The following CERS6 variants were observed in gnomAD, a reference collection of about 807,000 sequenced individuals.
CERS6 encodes LAG1 homolog, ceramide synthase 6.
CERS6 carries 26 observed loss-of-function variants against 56.8 expected under a neutral mutation model. The observed-to-expected ratio is 0.46, with a 90% CI of 0.34 to 0.63. CERS6 has a LOEUF of 0.63. Ranked by LOEUF, CERS6 falls within the 30% of genes least tolerant of loss-of-function variation. The probability of loss-of-function intolerance (pLI) is 0.01; values close to 1 mark genes in which losing one functional copy is unlikely to be tolerated. For synonymous variants in CERS6, 164 were observed against 173.3 expected (o/e 0.95, Z 0.42); for missense variants, 415 against 467.5 (o/e 0.89, Z 1.04).
At chr2:168,678,209 G>A (rs1191408395) in intron 4 of CERS6, among the ~76,000 whole-genome samples, 1 of 152,170 alleles carries the variant, frequency 6.6e-6, no homozygotes. Context: ...CTATTGTTAC[G>A]AAGAGTTTTG....
intron 3 of CERS6, among the ~76,000 whole-genome samples, chr2:168,594,876 T>C (rs1339044548): frequency 2.0e-5 from 3 of 152,336 alleles, no homozygotes; most frequent in East Asian, 3.9e-4. Flanking sequence ...ATGTTTGTTT[T>C]TCCCCCAGCT....
intron 3 of CERS6, among the ~76,000 whole-genome samples, chr2:168,602,197 TGTAAG>T (rs1683950565): frequency 6.6e-6 from 1 of 152,196 alleles, no homozygotes; most frequent in Admixed American, 6.5e-5. Flanking sequence ...TTTTAGAAGA[TGTAAG>T]GGAATTGATT....
At chr2:168,563,666 A>G (rs2390722) in intron 3 of CERS6, among the ~76,000 whole-genome samples, 3,531 of 152,196 alleles carry the variant, frequency 0.023, 139 homozygotes, top group East Asian at 0.18. Flanking sequence ...ATGTGGTGGC[A>G]GGCGCCTGCA....
intron 8 of CERS6, among the ~76,000 whole-genome samples, chr2:168,742,349 G>A (rs547437474): frequency 5.3e-4 from 80 of 152,276 alleles, no homozygotes; most frequent in South Asian, 1.0e-3. Context: ...AAAGTTATGC[G>A]TATGGGTATA....
chr2:168,631,111 T>A (rs1043969405), intron 4 of CERS6, 69 bp downstream of exon 4: 28 of 631,684 alleles, frequency 4.4e-5, no homozygotes, highest in South Asian at 7.5e-5. Context: ...TTTTTTTTTT[T>A]AATGTGTGAC....
intron 1 of CERS6, among the ~76,000 whole-genome samples, chr2:168,461,736 A>C (rs1693784009): frequency 6.6e-6 from 1 of 152,246 alleles, no homozygotes. Context: ...AGGTGAGATA[A>C]CTTTAAATTA....
chr2:168,677,179 C>A (rs909595221), intron 4 of CERS6, among the ~76,000 whole-genome samples: 1 of 152,058 alleles, frequency 6.6e-6, no homozygotes, highest in East Asian at 1.9e-4. Flanking sequence ...TCTCCCCCAC[C>A]CCCCAACAGG....
intron 6 of CERS6, among the ~76,000 whole-genome samples, chr2:168,708,340 A>C (rs188398649): frequency 9.4e-4 from 143 of 152,302 alleles, no homozygotes; most frequent in African/African-American, 3.4e-3. Context: ...AGGCAGAAAA[A>C]TCACAAGAGA....
At chr2:168,568,334 C>T (rs377200125) in intron 3 of CERS6, among the ~76,000 whole-genome samples, 10 of 152,292 alleles carry the variant, frequency 6.6e-5, no homozygotes, top group South Asian at 2.1e-4. Flanking sequence ...ATTAAGGCAT[C>T]ATATTATTAT....
chr2:168,704,530 G>A (rs781244544), intron 6 of CERS6, among the ~76,000 whole-genome samples: 15 of 152,136 alleles, frequency 9.9e-5, no homozygotes, highest in Admixed American at 2.6e-4. Flanking sequence ...AAACAAACCC[G>A]TTCATCTGTC....
intron 1 of CERS6, among the ~76,000 whole-genome samples, chr2:168,528,366 T>C (rs1174278486): frequency 5.3e-5 from 8 of 152,238 alleles, no homozygotes; most frequent in African/African-American, 1.9e-4. Flanking sequence ...GTCTGGGTTC[T>C]TCCCCAGTCC....
At chr2:168,650,147 A>G (rs1685308535) in intron 4 of CERS6, among the ~76,000 whole-genome samples, 1 of 152,230 alleles carries the variant, frequency 6.6e-6, no homozygotes, top group Admixed American at 6.5e-5. Flanking sequence ...CACTTGCTCC[A>G]GGTTTAATTC....
intron 3 of CERS6, among the ~76,000 whole-genome samples, chr2:168,615,939 C>G (rs1224732757): frequency 2.0e-5 from 3 of 152,066 alleles, no homozygotes; most frequent in African/African-American, 7.2e-5. Flanking sequence ...AAAGTTAAGA[C>G]GAGGGAAAGA....
intron 1 of CERS6, among the ~76,000 whole-genome samples, chr2:168,523,170 C>T (rs1695012509): frequency 6.6e-6 from 1 of 152,176 alleles, no homozygotes; most frequent in Non-Finnish European, 1.5e-5. Context: ...TGCCTCTCTG[C>T]TCTACCATTT....
At chr2:168,691,423 G>C (rs1234008956) in intron 5 of CERS6, among the ~76,000 whole-genome samples, 1 of 152,140 alleles carries the variant, frequency 6.6e-6, no homozygotes, top group Non-Finnish European at 1.5e-5. Flanking sequence ...TGTTGACATA[G>C]TGCAGACCTG....
At chr2:168,547,462 G>A (rs1398852253) in intron 1 of CERS6, 134 bp from the exon 2 acceptor site, 3 of 586,944 alleles carry the variant, frequency 5.1e-6, no homozygotes, top group Non-Finnish European at 6.1e-6. Context: ...TGACAGGAGT[G>A]TTGACAATGT....
rs1011491131 is a variant in CERS6 at position 168,558,560 on chromosome 2, G to T, written c.277-2632G>T. Among the ~76,000 whole-genome samples, 18 of 152,202 alleles carry T rather than the reference G, an allele frequency of 1.2e-4. No homozygotes were observed. In the East Asian group the frequency reaches 3.5e-3, roughly 29 times the overall value. ...TATATATTCAAGTTTGCTTATATTT[G>T]TGTAAATACTGGAAAGAAACTGATT... On this transcript the variant is annotated intron_variant, in intron 2 of 9. Transcript: ENST00000305747.
At chr2:168,710,042 C>G (rs868384006) in intron 6 of CERS6, among the ~76,000 whole-genome samples, 3 of 152,098 alleles carry the variant, frequency 2.0e-5, no homozygotes, top group African/African-American at 4.8e-5. Flanking sequence ...GAAAATTGGT[C>G]TTCTGCCACG....
At position 168,618,210 on chromosome 2, in the gene CERS6, T is replaced by C. The variant is rs929399133; in HGVS notation, c.408-12775T>C. Among the ~76,000 whole-genome samples the C allele has an allele frequency of 3.9e-5, 6 of 152,208 alleles. No homozygotes were observed. In the East Asian group the frequency reaches 1.2e-3, roughly 29 times the overall value. On this transcript the variant is annotated intron_variant, in intron 3 of 9. Coordinates refer to ENST00000305747, the MANE Select transcript of CERS6 (RefSeq NM_203463.3). ...TTTATGTTTAAAACCCTTAGCAAAA[T>C]TGGCATTCAGCAGACATACCTGAAT...
Sources: gnomAD v4.1 joint callset for allele counts (sites outside exome capture counted in the v4.1 genomes callset) on GRCh38, gnomAD v4.1.1 for gene constraint, MANE v1.5 for transcripts, NCBI Gene and HGNC (gene_info 2026-07-23, HGNC 2026-07-21) for gene names.